STXBP5L: variants seen among roughly 807,000 people sequenced by gnomAD.
The protein encoded by STXBP5L is syntaxin binding protein 5L, also known as syntaxin-binding protein 5-like.
In STXBP5L, 65 loss-of-function variants were observed where a neutral mutation model predicts 144.5. The observed-to-expected ratio is 0.45, with a 90% CI of 0.37 to 0.55. STXBP5L has a LOEUF of 0.55. Among genes scored for constraint, STXBP5L ranks in the 20% least tolerant of loss-of-function variants. STXBP5L has a pLI of 0.00. For missense variants in STXBP5L, 1,298 were observed against 1,405.5 expected, an observed-to-expected ratio of 0.92 and a Z score of 1.22; for synonymous variants, 505 against 469.6, an observed-to-expected ratio of 1.08 and a Z score of -0.97.
chr3:121,238,944 C>A, intron 12 of STXBP5L, 27 bp from the exon 13 acceptor site: 1 of 1,507,286 alleles, frequency 6.6e-7, no homozygotes, highest in Admixed American at 2.1e-5. Context: ...TGTAAAATAA[C>A]ACTGATATAT....
chr3:121,282,749 C>G (rs985147767), intron 19 of STXBP5L, among the ~76,000 whole-genome samples: 2 of 151,884 alleles, frequency 1.3e-5, no homozygotes, highest in African/African-American at 4.8e-5. Flanking sequence ...CTATTCTAAC[C>G]AGGGTCACAA....
In STXBP5L at chr3:121,123,336, C is replaced by T. The variant is rs143410580; in HGVS notation, c.669+1632C>T. ...TGTTATGACCTAGAAAATTCATTTCCGATATCTATACTGTTTATGTGACTA... is the reference window on the plus strand; with the variant it reads ...TGTTATGACCTAGAAAATTCATTTCTGATATCTATACTGTTTATGTGACTA... On this transcript the variant is annotated intron_variant, in intron 7 of 26. Transcript: ENST00000471454. Among the ~76,000 whole-genome samples the T allele has an allele frequency of 5.9e-5, 9 of 151,426 alleles. No homozygotes were observed. The East Asian group carries it at 1.5e-3, about 26-fold the overall frequency.
chr3:121,087,319 C>T (rs1184334767), intron 5 of STXBP5L, among the ~76,000 whole-genome samples: 1 of 151,880 alleles, frequency 6.6e-6, no homozygotes, highest in African/African-American at 2.4e-5. Flanking sequence ...CTTTTTCCTC[C>T]TTTCAGTTCT....
chr3:121,057,612 C>T (rs552576558), intron 5 of STXBP5L, among the ~76,000 whole-genome samples: 2 of 151,978 alleles, frequency 1.3e-5, no homozygotes, highest in Non-Finnish European at 2.9e-5. Flanking sequence ...CTTTGCTCAG[C>T]ACTGTATTTA....
Position 120,971,638 on chromosome 3 carries a change from T to TACAC in STXBP5L, c.287+16623_287+16626dup, listed in dbSNP as rs10576644. Among the ~76,000 whole-genome samples the TACAC allele has an allele frequency of 3.1e-3, 457 of 146,390 alleles. 5 individuals are homozygous for TACAC. The highest frequency in any genetic ancestry group is 0.01 in the African/African-American group (410 of 40,324). On this transcript the variant is annotated intron_variant, in intron 3 of 26. Coordinates refer to ENST00000471454, the MANE Select transcript of STXBP5L (RefSeq NM_001308330.2). ...TAGTATTCCATGGCACATGCATACA[T>TACAC]ACACACACACACACACACACACACA... is the stretch of plus-strand genomic sequence containing the variant.
intron 9 of STXBP5L, among the ~76,000 whole-genome samples, chr3:121,166,291 C>T (rs2046495521): frequency 6.6e-6 from 1 of 152,192 alleles, no homozygotes; most frequent in Admixed American, 6.5e-5. Flanking sequence ...CAGGCATGAC[C>T]ACCGTTCCTG....
At chr3:121,078,682 G>T (rs937416417) in intron 5 of STXBP5L, among the ~76,000 whole-genome samples, 1 of 152,236 alleles carries the variant, frequency 6.6e-6, no homozygotes, top group Non-Finnish European at 1.5e-5. Context: ...CCCGCTGCAG[G>T]TTCTGAGCCC....
intron 23 of STXBP5L, among the ~76,000 whole-genome samples, chr3:121,410,636 C>G (rs2047094471): frequency 6.6e-6 from 1 of 151,844 alleles, no homozygotes; most frequent in Admixed American, 6.6e-5. Flanking sequence ...TACTTAGATC[C>G]TAAGTACCCA....
chr3:121,065,129 T>G (rs1376145938), intron 5 of STXBP5L, among the ~76,000 whole-genome samples: 1 of 152,152 alleles, frequency 6.6e-6, no homozygotes, highest in African/African-American at 2.4e-5. Flanking sequence ...ATTTTCTTTA[T>G]CTGATCCACT....
At chr3:121,079,058 C>A (rs1055870211) in intron 5 of STXBP5L, among the ~76,000 whole-genome samples, 1 of 152,258 alleles carries the variant, frequency 6.6e-6, no homozygotes, top group Non-Finnish European at 1.5e-5. Context: ...GGAGCCCAGG[C>A]AGAGGAGGCG....
intron 6 of STXBP5L, among the ~76,000 whole-genome samples, chr3:121,116,705 C>T (rs531961387): frequency 6.6e-6 from 1 of 152,052 alleles, no homozygotes; most frequent in South Asian, 2.1e-4. Context: ...AAACATTAAT[C>T]CTATAAATAA....
At chr3:121,008,180 C>G (rs182960960) in intron 3 of STXBP5L, among the ~76,000 whole-genome samples, 2 of 151,826 alleles carry the variant, frequency 1.3e-5, no homozygotes, top group African/African-American at 4.8e-5. Context: ...TACTGGGCAT[C>G]GACGCCTCAA....
chr3:121,241,189 T>G (rs2049653637), intron 14 of STXBP5L, among the ~76,000 whole-genome samples: 1 of 152,168 alleles, frequency 6.6e-6, no homozygotes, highest in Non-Finnish European at 1.5e-5. Context: ...GTTTTCTTTC[T>G]GCCTCATATA....
At chr3:121,112,814 C>T (rs1476286713) in intron 5 of STXBP5L, among the ~76,000 whole-genome samples, 1 of 152,006 alleles carries the variant, frequency 6.6e-6, no homozygotes, top group Non-Finnish European at 1.5e-5. Context: ...AAATAAGTTA[C>T]AAATGAAAGT....
chr3:121,355,637 C>T (rs1159046648), intron 20 of STXBP5L, among the ~76,000 whole-genome samples: 1 of 152,094 alleles, frequency 6.6e-6, no homozygotes, highest in East Asian at 1.9e-4. Flanking sequence ...CTAACCTGCT[C>T]CTTTAGCTCG....
intron 9 of STXBP5L, among the ~76,000 whole-genome samples, chr3:121,189,821 G>T (rs186703715): frequency 4.6e-5 from 7 of 151,820 alleles, no homozygotes; most frequent in Non-Finnish European, 1.0e-4. Flanking sequence ...AATAATTTGC[G>T]TGTGAATAAA....
chr3:121,141,387 G>C (rs1382952305), intron 7 of STXBP5L, among the ~76,000 whole-genome samples: 2 of 149,316 alleles, frequency 1.3e-5, no homozygotes, highest in East Asian at 3.9e-4. Context: ...TGGTCAACAA[G>C]AGTGAAACTC....
intron 5 of STXBP5L, among the ~76,000 whole-genome samples, chr3:121,105,296 TGAGGCAG>T (rs2043640622): frequency 6.6e-6 from 1 of 151,982 alleles, no homozygotes; most frequent in African/African-American, 2.4e-5. Context: ...CTTGGGAGGC[TGAGGCAG>T]GAGAATCGCT....
chr3:121,059,544 G>A (rs1034630747), intron 5 of STXBP5L, among the ~76,000 whole-genome samples: 1 of 152,034 alleles, frequency 6.6e-6, no homozygotes, highest in African/African-American at 2.4e-5. Flanking sequence ...GGATAGCATT[G>A]AATCTACAAA....
Sources: gnomAD v4.1 joint callset for allele counts (sites outside exome capture counted in the v4.1 genomes callset) on GRCh38, gnomAD v4.1.1 for gene constraint, MANE v1.5 for transcripts, NCBI Gene and HGNC (gene_info 2026-07-23, HGNC 2026-07-21) for gene names.